Variants in SSBP2 observed in about 807,000 individuals in gnomAD.
The protein encoded by SSBP2 is single stranded DNA binding protein 2.
Under a neutral mutation model 61.8 loss-of-function variants are expected in SSBP2, and 17 were observed. That is an observed-to-expected ratio of 0.28 (90% CI 0.19 to 0.41). The LOEUF (loss-of-function observed/expected upper bound fraction) is 0.41. SSBP2 is among the 10% of genes least tolerant of loss of function. The pLI, the probability that SSBP2 is intolerant of heterozygous loss-of-function variation, is 1.00. For synonymous variants in SSBP2, 139 were observed against 141.3 expected (o/e 0.98, Z 0.12); for missense variants, 310 against 458.7 (o/e 0.68, Z 2.96).
chr5:81,522,513 T>G (rs973975894), intron 4 of SSBP2, among the ~76,000 whole-genome samples: 1 of 152,098 alleles, frequency 6.6e-6, no homozygotes, highest in Admixed American at 6.6e-5. Flanking sequence ...TATGACCACA[T>G]ATTAAGTTTA....
chr5:81,603,464 A>C (rs1297444714), intron 4 of SSBP2, among the ~76,000 whole-genome samples: 1 of 152,166 alleles, frequency 6.6e-6, no homozygotes, highest in African/African-American at 2.4e-5. Context: ...CTTCCACTCC[A>C]TTCTATTACA....
chr5:81,586,288 A>G (rs1425599072), intron 4 of SSBP2, among the ~76,000 whole-genome samples: 1 of 152,100 alleles, frequency 6.6e-6, no homozygotes, highest in African/African-American at 2.4e-5. Context: ...GGTTCCCTTT[A>G]CTCCACATCC....
intron 5 of SSBP2, among the ~76,000 whole-genome samples, chr5:81,512,989 G>T (rs970917720): frequency 2.0e-5 from 3 of 152,062 alleles, no homozygotes; most frequent in Admixed American, 2.0e-4. Flanking sequence ...TTAGAAAACT[G>T]TCAGATTTAA....
At chr5:81,493,536 A>G (rs1767048136) in intron 5 of SSBP2, among the ~76,000 whole-genome samples, 1 of 152,148 alleles carries the variant, frequency 6.6e-6, no homozygotes, top group South Asian at 2.1e-4. Context: ...TGGGCGGATC[A>G]TGACGTCAGC....
intron 4 of SSBP2, among the ~76,000 whole-genome samples, chr5:81,527,250 T>C (rs986411039): frequency 2.4e-4 from 36 of 152,028 alleles, no homozygotes; most frequent in African/African-American, 8.0e-4. Context: ...TTTGAGAAAA[T>C]GAAATAGACA....
intron 4 of SSBP2, among the ~76,000 whole-genome samples, chr5:81,600,561 CAAA>C (rs35204869): frequency 2.3e-5 from 2 of 87,604 alleles, no homozygotes; most frequent in Non-Finnish European, 4.5e-5. Context: ...GACTCTGTCT[CAAA>C]AAAAAAAAAA....
rs140562881 is a variant in SSBP2 at position 81,696,995 on chromosome 5, G to A, written c.63-46656C>T. The stretch of plus-strand genomic sequence containing the variant: ...AAGAATCCCCATCCATGATGCACAC[G>A]TACCTGTCATCAGTTAAGAAAGAAT... On this transcript the variant is annotated intron_variant, in intron 1 of 16. Coordinates refer to ENST00000320672, the MANE Select transcript of SSBP2 (RefSeq NM_012446.5). Among the ~76,000 whole-genome samples the A allele has an allele frequency of 8.5e-5, 13 of 152,268 alleles. No individual in the cohort carries two copies. The East Asian group carries it at 2.3e-3, about 27-fold the overall frequency.
intron 5 of SSBP2, among the ~76,000 whole-genome samples, chr5:81,496,386 G>T (rs1276276692): frequency 6.6e-6 from 1 of 152,092 alleles, no homozygotes; most frequent in Non-Finnish European, 1.5e-5. Context: ...CACCATGTTG[G>T]CCAGGTTGGT....
At chr5:81,455,064 C>T (rs1319610882) in intron 10 of SSBP2, among the ~76,000 whole-genome samples, 1 of 152,140 alleles carries the variant, frequency 6.6e-6, no homozygotes, top group Non-Finnish European at 1.5e-5. Context: ...CTGAACATCA[C>T]AGATCCTAAT....
chr5:81,587,791 T>C (rs980038888), intron 4 of SSBP2, among the ~76,000 whole-genome samples: 8 of 148,176 alleles, frequency 5.4e-5, no homozygotes, highest in African/African-American at 2.0e-4. Flanking sequence ...ACACTAATGC[T>C]TGAAACAGAA....
intron 10 of SSBP2, among the ~76,000 whole-genome samples, chr5:81,460,328 T>G (rs896518149): frequency 6.6e-6 from 1 of 152,216 alleles, no homozygotes; most frequent in Non-Finnish European, 1.5e-5. Flanking sequence ...AGTACACAGA[T>G]GTACATGGCA....
chr5:81,453,391 A>C (rs1470615446), intron 10 of SSBP2, among the ~76,000 whole-genome samples: 2 of 152,074 alleles, frequency 1.3e-5, no homozygotes, highest in African/African-American at 4.8e-5. Flanking sequence ...AAAGTCAAGC[A>C]AGTTAGATTT....
At chr5:81,555,515 T>C (rs1374728807) in intron 4 of SSBP2, among the ~76,000 whole-genome samples, 1 of 152,078 alleles carries the variant, frequency 6.6e-6, no homozygotes, top group Non-Finnish European at 1.5e-5. Flanking sequence ...ATTTTCCTTA[T>C]ACATCTTCCA....
In SSBP2 at chr5:81,732,426, T is replaced by C. The variant is rs185956067; in HGVS notation, c.62+18555A>G. 6.6e-3 allele frequency among the ~76,000 whole-genome samples: 1,002 copies of C among 152,312 alleles called. 13 individuals are homozygous for C. The highest frequency in any genetic ancestry group is 7.0e-3 in the Non-Finnish European group (479 of 68,012). ...ATTTACTGTCAGCATCTTTTCATAA[T>C]GTTTTAAATAAAATGATTTTGCTTT... On this transcript the variant is annotated intron_variant, in intron 1 of 16. Coordinates refer to ENST00000320672, the MANE Select transcript of SSBP2 (RefSeq NM_012446.5).
chr5:81,578,503 G>T (rs750896963), intron 4 of SSBP2, among the ~76,000 whole-genome samples: 5 of 151,478 alleles, frequency 3.3e-5, no homozygotes, highest in Non-Finnish European at 7.4e-5. Flanking sequence ...AATTTAACAA[G>T]AACAGGGAAA....
intron 4 of SSBP2, among the ~76,000 whole-genome samples, chr5:81,551,337 A>T (rs1212389170): frequency 6.6e-6 from 1 of 152,168 alleles, no homozygotes; most frequent in Non-Finnish European, 1.5e-5. Context: ...TTTTATTTGC[A>T]GAAGATATTC....
chr5:81,522,728 A>C (rs1329515971), intron 4 of SSBP2, among the ~76,000 whole-genome samples: 1 of 152,092 alleles, frequency 6.6e-6, no homozygotes, highest in Admixed American at 6.6e-5. Flanking sequence ...GCACAGGGAC[A>C]CAAATTTATT....
At chr5:81,539,844 G>A (rs755548475) in intron 4 of SSBP2, among the ~76,000 whole-genome samples, 6 of 152,058 alleles carry the variant, frequency 3.9e-5, no homozygotes, top group East Asian at 1.9e-4. Context: ...TGCTGCACCC[G>A]TCAACCCGTC....
chr5:81,634,996 A>T (rs1189747711), intron 3 of SSBP2, among the ~76,000 whole-genome samples: 1 of 152,126 alleles, frequency 6.6e-6, no homozygotes, highest in Non-Finnish European at 1.5e-5. Flanking sequence ...GAGGGTAGGG[A>T]TGTGTGTGTG....
Sources: gnomAD v4.1 joint callset for allele counts (sites outside exome capture counted in the v4.1 genomes callset) on GRCh38, gnomAD v4.1.1 for gene constraint, MANE v1.5 for transcripts, NCBI Gene and HGNC (gene_info 2026-07-23, HGNC 2026-07-21) for gene names.